The following AKAP4 variants were observed in gnomAD, a reference collection of about 807,000 sequenced individuals.
The protein encoded by AKAP4 is A-kinase anchoring protein 4, also known as A-kinase anchor protein 4.
In AKAP4, 4 loss-of-function variants were observed where a neutral mutation model predicts 42.6. The ratio of observed to expected loss-of-function variants is 0.09; its 90% confidence interval spans 0.05 to 0.22. AKAP4 has a LOEUF of 0.22. Among genes scored for constraint, AKAP4 ranks in the 10% least tolerant of loss-of-function variants. The probability of loss-of-function intolerance (pLI) is 1.00; values close to 1 mark genes in which losing one functional copy is unlikely to be tolerated. For synonymous variants in AKAP4, 223 were observed against 233.0 expected, an observed-to-expected ratio of 0.96 and a Z score of 0.39; for missense variants, 551 against 630.7, an observed-to-expected ratio of 0.87 and a Z score of 1.35.
rs782654706 is a variant in AKAP4 at position 50,193,932 on chromosome X, T to G, written c.781A>C (p.Ile261Leu). 66 of 1,210,238 alleles carry G rather than the reference T, an allele frequency of 5.5e-5. No individual in the cohort carries two copies. The highest frequency in any genetic ancestry group is 1.8e-4 in the South Asian group (10 of 56,833). The change falls in exon 5 of 6, where the codon ATC becomes CTC. Residue 261 changes from isoleucine to leucine, a missense_variant. Coordinates refer to ENST00000358526, the MANE Select transcript of AKAP4 (RefSeq NM_003886.3). The stretch of plus-strand genomic sequence containing the variant: ...TTGCTCGCAGGAGTTCGGGGACTGA[T>G]TCTCTCTTTGTTCCCAGGGGATGGA... ...ICPSPGNKER[I>L]SPRTPASKIA...
In AKAP4 at chrX:50,193,503, C is replaced by T. The variant is rs1557203972; in HGVS notation, c.1210G>A (p.Val404Ile). 8.3e-7 allele frequency: 1 copy of T among 1,211,853 alleles called. No individual in the cohort carries two copies. Among genetic ancestry groups the T allele is most frequent in the South Asian group, 1.8e-5 (1 of 56,989 alleles). The change falls in exon 5 of 6, where the codon GTC becomes ATC. Residue 404 changes from valine to isoleucine, a missense_variant. Coordinates refer to ENST00000358526, the MANE Select transcript of AKAP4 (RefSeq NM_003886.3). ...TGVLMTDSDF[V>I]SAVKRNLFNQ... ...AACAGATTTCTCTTGACAGCTGAGA[C>T]AAAGTCTGAGTCAGTCATCAGGACC...
rs966988748 is a variant in AKAP4 at position 50,190,791 on chromosome X, T to A, written c.*169A>T. ...TGACACATTTATTATTATTTTTTTT[T>A]ATTTTATTTCCCAGTTTGTTGACAC... On this transcript the variant is annotated 3_prime_UTR_variant, in exon 6 of 6. Coordinates refer to ENST00000358526, the MANE Select transcript of AKAP4 (RefSeq NM_003886.3). The A allele has an allele frequency of 1.3e-4, 57 of 438,908 alleles. No homozygotes were observed. The highest frequency in any genetic ancestry group is 6.0e-4 in the Admixed American group (13 of 21,492). The allele number at this position is 438,908 out of a possible 1,213,427, so 36.2% of individuals were successfully genotyped here. A position where few individuals can be genotyped will look rare whatever the true frequency, so the allele number is the denominator to read the frequency against.
At chrX:50,200,667 TAGAGAATC>T (rs1393729322) in intron 1 of AKAP4, among the ~76,000 whole-genome samples, 188 bp downstream of exon 1, 1 of 112,076 alleles carries the variant, frequency 8.9e-6, no homozygotes, top group Non-Finnish European at 1.9e-5. Context: ...ATACCCCTAC[TAGAGAATC>T]AGAGTTATAT....
At chrX:50,197,431 G>T in intron 3 of AKAP4, 113 bp downstream of exon 3, 1 of 629,985 alleles carries the variant, frequency 1.6e-6, no homozygotes, top group Non-Finnish European at 2.4e-6. Flanking sequence ...TTCCCCCTGA[G>T]TCCCCTCCTC....
At chrX:50,191,666 G>A (rs1602165267) in intron 5 of AKAP4, among the ~76,000 whole-genome samples, 1 of 50,548 alleles carries the variant, frequency 2.0e-5, no homozygotes, top group African/African-American at 5.2e-5. Flanking sequence ...GTGTGAGAGA[G>A]AGAAAGAGAG....
At position 50,200,958 on chromosome X, in the gene AKAP4, A is replaced by T. The variant is rs894100819; in HGVS notation, c.-69T>A. ...GATGACTCTTCCAGTCTGCCTCAAG[A>T]TACTGCTTTTTTCTTCAACTCTCCA... On this transcript the variant is annotated 5_prime_UTR_variant, in exon 1 of 6. Transcript: ENST00000358526. The T allele has an allele frequency of 9.3e-6, 10 of 1,078,233 alleles. No individual in the cohort carries two copies. In the African/African-American group the frequency reaches 1.6e-4, roughly 18 times the overall value. The allele number at this position is 1,078,233 out of a possible 1,213,427, so 88.9% of individuals were successfully genotyped here.
chrX:50,190,995 T>G lies in AKAP4; in HGVS notation c.2530A>C (p.Lys844Gln), dbSNP rs782747951. The change falls in exon 6 of 6, where the codon AAA (lysine) becomes CAA (glutamine). Residue 844 changes from lysine to glutamine, a missense_variant. Lys to Gln is a moderately conservative substitution (Grantham distance 53, BLOSUM62 1). Coordinates refer to ENST00000358526, the MANE Select transcript of AKAP4 (RefSeq NM_003886.3). Reference sequence around the variant, plus strand: ...GCGAGCAGCCAGTCCAGCAACTGTTTCCTGGCCACCTTTCCCACAGCTTCA... The same window carrying G: ...GCGAGCAGCCAGTCCAGCAACTGTTGCCTGGCCACCTTTCCCACAGCTTCA... Reference protein sequence around the residue: ...PDEAVGKVARKQLLDWLLANL With the variant: ...PDEAVGKVARQQLLDWLLANL 8.3e-6 allele frequency: 10 copies of G among 1,208,626 alleles called. No individual in the cohort carries two copies. The African/African-American group carries it at 1.1e-4, about 13-fold the overall frequency.
rs782474652 is a variant in AKAP4 at position 50,192,952 on chromosome X, A to G, written c.1761T>C (p.Cys587=). 8.3e-6 allele frequency: 10 copies of G among 1,209,738 alleles called. No individual in the cohort carries two copies. The East Asian group carries it at 2.7e-4, about 32-fold the overall frequency. ...YMAQSTQYEK[C]GGGQSAKALS... ...GTGCTTTGGCACTTTGGCCACCTCCACACTTTTCATATTGAGTACTCTGAG... is the reference window on the plus strand; with the variant it reads ...GTGCTTTGGCACTTTGGCCACCTCCGCACTTTTCATATTGAGTACTCTGAG... The change falls in exon 5 of 6, where the codon TGT becomes TGC. Residue 587 remains cysteine, a synonymous_variant. Transcript: ENST00000358526.
At chrX:50,200,514 T>A (rs1935251036) in intron 1 of AKAP4, 2 of 427,664 alleles carry the variant, frequency 4.7e-6, no homozygotes, top group Admixed American at 1.4e-4. Context: ...CAAAAGCACA[T>A]CAGGCTGCCT....
intron 3 of AKAP4, among the ~76,000 whole-genome samples, chrX:50,197,254 T>C (rs1602168652): frequency 9.0e-6 from 1 of 110,639 alleles, no homozygotes; most frequent in East Asian, 2.8e-4. Context: ...GGATGGGTTT[T>C]TTTTTTTAAA....
At chrX:50,198,558 C>A in intron 2 of AKAP4, 99 bp downstream of exon 2, 1 of 590,912 alleles carries the variant, frequency 1.7e-6, no homozygotes, top group African/African-American at 2.2e-5. Flanking sequence ...TTGGAGAAGT[C>A]AGGGTATCAT....
intron 2 of AKAP4, among the ~76,000 whole-genome samples, chrX:50,198,156 G>A (rs1195480084): frequency 1.8e-5 from 2 of 111,514 alleles, no homozygotes; most frequent in African/African-American, 6.5e-5. Flanking sequence ...ATATTTCTTA[G>A]CATGATTGTA....
At position 50,190,903 on chromosome X, in the gene AKAP4, C is replaced by G. The variant is rs998353598; in HGVS notation, c.*57G>C. 10 of 1,191,825 alleles carry G rather than the reference C, an allele frequency of 8.4e-6. No homozygotes were observed. Among genetic ancestry groups the G allele is most frequent in the Non-Finnish European group, 1.1e-5 (10 of 883,667 alleles). ...TGACTGGCCTGATGGTGGGGGTGCT[C>G]TGGCTGGGATGGAATGCTGCTAGGG... On this transcript the variant is annotated 3_prime_UTR_variant, in exon 6 of 6. Transcript: ENST00000358526.
intron 3 of AKAP4, 63 bp from the exon 4 acceptor site, chrX:50,197,055 C>A: frequency 1.2e-6 from 1 of 811,419 alleles, no homozygotes; most frequent in Middle Eastern, 2.8e-4. Flanking sequence ...AAGCTGCCCC[C>A]CTAGGCTATG....
chrX:50,193,736 G>T lies in AKAP4; in HGVS notation c.977C>A (p.Ala326Glu), dbSNP rs782386792. The change falls in exon 5 of 6, where the codon GCA becomes GAA. Residue 326 changes from alanine to glutamate, a missense_variant. By Grantham distance (107) the Ala-to-Glu change is moderately radical. Transcript: ENST00000358526. ...QMSQRESKEF[A>E]DSISKGLMVY... ...CATGAGCCCCTTGCTGATGGAATCT[G>T]CAAATTCTTTGCTCTCTCTCTGGGA... 1.1e-5 allele frequency: 13 copies of T among 1,208,608 alleles called. No individual in the cohort carries two copies. The Admixed American group carries it at 2.6e-4, about 24-fold the overall frequency.
chrX:50,200,185 C>T, intron 1 of AKAP4: 1 of 749,018 alleles, frequency 1.3e-6, no homozygotes, highest in South Asian at 6.8e-5. Context: ...AGCCTAAGTC[C>T]AAGTCCAAAA....
intron 4 of AKAP4, among the ~76,000 whole-genome samples, chrX:50,194,901 A>G (rs1478401464): frequency 9.0e-6 from 1 of 111,719 alleles, no homozygotes; most frequent in African/African-American, 3.3e-5. Context: ...GTATATGTCT[A>G]CTGTATAGGC....
In AKAP4 at chrX:50,197,550, A is replaced by C. The variant is rs782299463; in HGVS notation, c.168T>G (p.Asp56Glu). ...CTGAGCAGAGAATACGCACCTTGTA[A>C]TCTTTATCTTCTACATTCAGGGTGG... ...DVSTLNVEDK[D>E]YKDAASSSSE... is the part of the protein sequence containing the mutation. The change falls in exon 3 of 6, where the codon GAT (aspartate) becomes GAG (glutamate). Residue 56 changes from aspartate (D) to glutamate (E), a missense_variant. By Grantham distance (45) the Asp-to-Glu change is conservative. Transcript: ENST00000358526. 1 of 1,206,144 alleles carries C rather than the reference A, an allele frequency of 8.3e-7. No homozygotes were observed. The highest frequency in any genetic ancestry group is 1.8e-5 in the South Asian group (1 of 56,263).
intron 5 of AKAP4, among the ~76,000 whole-genome samples, 183 bp from the exon 6 acceptor site, chrX:50,191,298 A>T (rs781989312): frequency 1.8e-5 from 2 of 111,541 alleles, no homozygotes; most frequent in South Asian, 7.6e-4. Context: ...GAGGCTGCTG[A>T]CACATCTTTC....
Sources: gnomAD v4.1 joint callset for allele counts (sites outside exome capture counted in the v4.1 genomes callset) on GRCh38, gnomAD v4.1.1 for gene constraint, MANE v1.5 for transcripts, NCBI Gene and HGNC (gene_info 2026-07-23, HGNC 2026-07-21) for gene names.